SEC23IP: variants seen among roughly 807,000 people sequenced by gnomAD.
SEC23IP encodes the protein SEC23-interacting protein.
SEC23IP carries 70 observed loss-of-function variants against 113.4 expected under a neutral mutation model. The ratio of observed to expected loss-of-function variants is 0.62; its 90% CI spans 0.51 to 0.75. The LOEUF (loss-of-function observed/expected upper bound fraction) is 0.75, where lower values mean the gene tolerates loss of function less well. Among genes scored for constraint, SEC23IP ranks in the 30% least tolerant of loss-of-function variants. The pLI, the probability that SEC23IP is intolerant of heterozygous loss-of-function variation, is 0.00. For synonymous variants in SEC23IP, 398 were observed against 421.0 expected (o/e 0.95, Z 0.67); for missense variants, 1,160 against 1,204.9 (o/e 0.96, Z 0.55).
intron 18 of SEC23IP, among the ~76,000 whole-genome samples, chr10:119,938,552 G>C (rs762226875): frequency 6.6e-6 from 1 of 152,134 alleles, no homozygotes; most frequent in Non-Finnish European, 1.5e-5. Context: ...AATCAACAGT[G>C]TCTTAGATTT....
intron 1 of SEC23IP, among the ~76,000 whole-genome samples, chr10:119,893,313 C>A (rs1400617080): frequency 6.6e-6 from 1 of 152,002 alleles, no homozygotes; most frequent in East Asian, 1.9e-4. Flanking sequence ...CACTAGGAGA[C>A]TCCTAGGATA....
chr10:119,923,667 G>A (rs1001999679), intron 12 of SEC23IP, among the ~76,000 whole-genome samples: 4 of 151,612 alleles, frequency 2.6e-5, no homozygotes, highest in Non-Finnish European at 4.4e-5. Context: ...TCCTGCTTCA[G>A]CCTCCCAACT....
chr10:119,897,436 CCTT>C (rs1409639365), intron 1 of SEC23IP, among the ~76,000 whole-genome samples: 3 of 152,114 alleles, frequency 2.0e-5, no homozygotes, highest in African/African-American at 7.2e-5. Flanking sequence ...TAGAAAGTGA[CCTT>C]CTCAGCAATT....
intron 13 of SEC23IP, among the ~76,000 whole-genome samples, chr10:119,927,228 C>A (rs987493445): frequency 1.3e-5 from 2 of 152,210 alleles, no homozygotes; most frequent in African/African-American, 4.8e-5. Flanking sequence ...CTGCCGTAAT[C>A]AGTAATGACT....
Position 119,911,926 on chromosome 10 carries a change from T to C in SEC23IP, c.1192-118T>C, listed in dbSNP as rs1854876735. The C allele has an allele frequency of 2.4e-6, 3 of 1,249,492 alleles. No individual in the cohort carries two copies. The South Asian group carries it at 4.6e-5, about 19-fold the overall frequency. The allele number at this position is 1,249,492 out of a possible 1,614,324, so 77.4% of individuals were successfully genotyped here. A position where few individuals can be genotyped will look rare whatever the true frequency, so the allele number is the denominator to read the frequency against. On this transcript the variant is annotated intron_variant, in intron 5 of 18. Transcript: ENST00000369075. ...AAAGTTTGTTTTGGGGGAACAGTAC[T>C]AATAATTTATAAACTCTCCGTACTC...
intron 6 of SEC23IP, 136 bp from the exon 7 acceptor site, chr10:119,914,594 A>G (rs1176944195): frequency 1.4e-6 from 1 of 695,210 alleles, no homozygotes; most frequent in African/African-American, 1.8e-5. Flanking sequence ...AGGGGTAATG[A>G]GGCTTATTCT....
intron 2 of SEC23IP, among the ~76,000 whole-genome samples, chr10:119,901,929 C>T (rs1044819203): frequency 1.3e-4 from 20 of 152,150 alleles, no homozygotes; most frequent in African/African-American, 4.6e-4. Flanking sequence ...TTAGGTGATC[C>T]ACCCACCTCA....
rs1471431091 is a variant in SEC23IP at position 119,903,015 on chromosome 10, C to T, written c.907+6C>T. 1.9e-6 allele frequency: 3 copies of T among 1,602,428 alleles called. No individual in the cohort carries two copies. The highest frequency in any genetic ancestry group is 1.7e-5 in the Admixed American group (1 of 59,924). On this transcript the variant is annotated splice_donor_region_variant and intron_variant, in intron 3 of 18. Coordinates refer to ENST00000369075, the MANE Select transcript of SEC23IP (RefSeq NM_007190.4). ...TGAAGAAATCTATAATTCAGGTAAACATTGGTCATACATCATTCATATCTG... is the reference window on the plus strand; with the variant it reads ...TGAAGAAATCTATAATTCAGGTAAATATTGGTCATACATCATTCATATCTG...
intron 13 of SEC23IP, among the ~76,000 whole-genome samples, chr10:119,927,556 C>G (rs1466874147): frequency 2.0e-5 from 3 of 152,222 alleles, no homozygotes; most frequent in African/African-American, 7.2e-5. Flanking sequence ...TTAATATCAT[C>G]TTCCCTCTGT....
At chr10:119,932,948 A>T in intron 16 of SEC23IP, 57 bp from the exon 17 acceptor site, 1 of 1,506,778 alleles carries the variant, frequency 6.6e-7, no homozygotes, top group Non-Finnish European at 9.1e-7. Flanking sequence ...AGTCAGCTAA[A>T]GTCAAAGGAT....
intron 8 of SEC23IP, among the ~76,000 whole-genome samples, chr10:119,916,456 G>A (rs1855056680): frequency 6.6e-6 from 1 of 152,184 alleles, no homozygotes; most frequent in South Asian, 2.1e-4. Flanking sequence ...ATAAATACAG[G>A]TAATAGTTAT....
rs1454881478 is a variant in SEC23IP at position 119,920,769 on chromosome 10, A to G, written c.2026-120A>G. ...TTTAAATACAAAATAACTAACTTGT[A>G]AAAAGTTGAGTGGCTCTTAGATTGC... On this transcript the variant is annotated intron_variant, in intron 11 of 18. Coordinates refer to ENST00000369075, the MANE Select transcript of SEC23IP (RefSeq NM_007190.4). The G allele has an allele frequency of 3.0e-5, 18 of 608,936 alleles. 1 individual carries two copies. Among genetic ancestry groups the G allele is most frequent in the Middle Eastern group, 3.0e-4 (1 of 3,304 alleles). 37.7% of individuals were successfully genotyped at this position (608,936 alleles called of 1,614,324 possible).
Position 119,929,732 on chromosome 10 carries a change from C to A in SEC23IP, c.2439C>A (p.Thr813=). 6.3e-7 allele frequency: 1 copy of A among 1,599,588 alleles called. No individual in the cohort carries two copies. Among genetic ancestry groups the A allele is most frequent in the Non-Finnish European group, 8.6e-7 (1 of 1,167,036 alleles). The change falls in exon 14 of 19, where the codon ACC becomes ACA. Residue 813 remains threonine (T), a synonymous_variant. Transcript: ENST00000369075. The stretch of plus-strand genomic sequence containing the variant: ...TAGATGAGAATTACAGCCTTCCTAC[C>A]TGTAAAGGGTTCTTCAATATTTATC... ...DRIDENYSLP[T]CKGFFNIYHP...
At chr10:119,914,378 C>A (rs939950944) in intron 6 of SEC23IP, 10 of 234,334 alleles carry the variant, frequency 4.3e-5, no homozygotes, top group Admixed American at 3.1e-4. Context: ...TAAATACTCA[C>A]ACGATGAAAT....
chr10:119,912,642 C>CTTTTT (rs760515822), intron 6 of SEC23IP, among the ~76,000 whole-genome samples: 4 of 116,424 alleles, frequency 3.4e-5, no homozygotes, highest in Admixed American at 8.4e-5. Flanking sequence ...TTTTCTTTTT[C>CTTTTT]TTTTTTTTTT....
intron 8 of SEC23IP, 85 bp downstream of exon 8, chr10:119,915,974 G>A (rs1163430227): frequency 1.7e-6 from 2 of 1,152,886 alleles, no homozygotes; most frequent in Non-Finnish European, 2.3e-6. Context: ...GTTTATTGTA[G>A]CTTCAATCAA....
intron 14 of SEC23IP, 64 bp from the exon 15 acceptor site, chr10:119,930,265 G>A: frequency 1.1e-6 from 1 of 877,550 alleles, no homozygotes; most frequent in East Asian, 2.7e-5. Flanking sequence ...CCCAGCGAAG[G>A]CATATAACTC....
intron 18 of SEC23IP, among the ~76,000 whole-genome samples, chr10:119,937,702 TTC>T (rs557631180): frequency 3.4e-4 from 52 of 152,296 alleles, no homozygotes; most frequent in African/African-American, 1.1e-3. Flanking sequence ...TACATTTATT[TTC>T]TTTTTAGTTC....
chr10:119,923,036 G>A (rs903807057), intron 12 of SEC23IP, among the ~76,000 whole-genome samples: 1 of 151,338 alleles, frequency 6.6e-6, no homozygotes, highest in Non-Finnish European at 1.5e-5. Flanking sequence ...GAAATGAGAA[G>A]CTTTGTGTTC....
Sources: allele counts gnomAD v4.1 joint callset (sites outside exome capture counted in the v4.1 genomes callset), GRCh38; gene constraint gnomAD v4.1.1; transcripts MANE v1.5; gene names NCBI Gene and HGNC (gene_info 2026-07-23, HGNC 2026-07-21).